LARGE1: variants seen among roughly 807,000 people sequenced by gnomAD.
LARGE1 encodes LARGE xylosyl- and glucuronyltransferase 1.
A neutral mutation model predicts 87.6 loss-of-function variants in LARGE1; 43 were observed. The observed-to-expected ratio is 0.49, with a 90% CI of 0.38 to 0.63. The LOEUF (loss-of-function observed/expected upper bound fraction) is 0.63, where lower values mean the gene tolerates loss of function less well. Among genes scored for constraint, LARGE1 ranks in the 30% least tolerant of loss-of-function variants. The pLI is 0.00. For synonymous variants in LARGE1, 434 were observed against 394.6 expected, an observed-to-expected ratio of 1.10 and a Z score of -1.18; for missense variants, 802 against 1,000.2, an observed-to-expected ratio of 0.80 and a Z score of 2.67.
intron 1 of LARGE1, among the ~76,000 whole-genome samples, chr22:33,838,364 T>TTTTTTAAAAAATTGGACAG (rs1568974615): frequency 6.6e-6 from 1 of 152,162 alleles, no homozygotes; most frequent in Non-Finnish European, 1.5e-5. Context: ...ATTGGACAGG[T>TTTTTTAAAAAATTGGACAG]GTAGTGGCTC....
At chr22:33,586,453 TTTC>T in intron 5 of LARGE1, among the ~76,000 whole-genome samples, 1 of 130,650 alleles carries the variant, frequency 7.7e-6, no homozygotes, top group African/African-American at 3.0e-5. Flanking sequence ...AACAACAAGA[TTTC>T]TTTTTTTTTT....
chr22:33,679,616 T>C (rs948522464), intron 2 of LARGE1, among the ~76,000 whole-genome samples: 1 of 151,958 alleles, frequency 6.6e-6, no homozygotes, highest in Non-Finnish European at 1.5e-5. Context: ...TCGAGGCAGG[T>C]GGATTGCATG....
chr22:33,756,722 C>T (rs996670131), intron 2 of LARGE1, among the ~76,000 whole-genome samples: 3 of 152,106 alleles, frequency 2.0e-5, no homozygotes, highest in Admixed American at 2.0e-4. Context: ...AGGAGCAGAG[C>T]GGTGCTCTGA....
At chr22:33,249,854 G>A (rs1926935547) in intron 11 of LARGE1, among the ~76,000 whole-genome samples, 1 of 152,192 alleles carries the variant, frequency 6.6e-6, no homozygotes, top group Non-Finnish European at 1.5e-5. Context: ...CTATATTTAT[G>A]TGGGTTTATT....
chr22:33,712,091 T>G (rs1288962501), intron 2 of LARGE1, among the ~76,000 whole-genome samples: 1 of 152,178 alleles, frequency 6.6e-6, no homozygotes, highest in East Asian at 1.9e-4. Flanking sequence ...TGGAGTAACT[T>G]GTCCCAACCA....
chr22:33,400,004 G>A (rs1013291529), intron 7 of LARGE1, among the ~76,000 whole-genome samples: 7 of 152,208 alleles, frequency 4.6e-5, no homozygotes, highest in African/African-American at 9.7e-5. Context: ...TAAATGATAA[G>A]AAAAACCCAA....
At chr22:33,268,520 C>G (rs530252179), downstream of LARGE1, among the ~76,000 whole-genome samples, 11 of 150,844 alleles carry the variant, frequency 7.3e-5, no homozygotes, top group South Asian at 8.4e-4. Context: ...CTCCGTCCCC[C>G]GGGTTCTCAC....
chr22:33,797,049 C>G (rs1345804031), intron 1 of LARGE1, among the ~76,000 whole-genome samples: 1 of 152,092 alleles, frequency 6.6e-6, no homozygotes, highest in Non-Finnish European at 1.5e-5. Flanking sequence ...CAGGCGTGAG[C>G]CACCATGCCT....
chr22:33,889,392 G>C (rs575773310), intron 1 of LARGE1, among the ~76,000 whole-genome samples: 3 of 152,224 alleles, frequency 2.0e-5, no homozygotes, highest in Non-Finnish European at 2.9e-5. Context: ...TGAGAGAAAA[G>C]AAAGTGTATT....
chr22:33,757,283 G>GTAAGCC (rs1172401996), intron 2 of LARGE1, among the ~76,000 whole-genome samples: 1 of 152,160 alleles, frequency 6.6e-6, no homozygotes, highest in Non-Finnish European at 1.5e-5. Flanking sequence ...GCAAATCACA[G>GTAAGCC]TAAGCCTAAG....
chr22:33,707,526 C>T (rs564450433), intron 2 of LARGE1, among the ~76,000 whole-genome samples: 192 of 152,348 alleles, frequency 1.3e-3, no homozygotes, highest in Non-Finnish European at 2.1e-3. Context: ...CAAGCACACA[C>T]GCATCATGCT....
rs551280269 is a variant in LARGE1, at chr22:33,232,268, C to T, written c.1731-65436G>A. On this transcript the variant is annotated intron_variant, in intron 11 of 11. Transcript: ENST00000608642. ...TGCCAATTTGTCAAAACGCCCATGG[C>T]GTTTTAATGATTTAGAAAAGCACAG... is the stretch of plus-strand genomic sequence containing the variant. 1.2e-4 allele frequency among the ~76,000 whole-genome samples: 19 copies of T among 152,326 alleles called. No individual in the cohort carries two copies. In the East Asian group the frequency reaches 3.5e-3, roughly 28 times the overall value.
chr22:33,128,680 C>A, the LARGE1 span, among the ~76,000 whole-genome samples: 3,435 of 108,506 alleles, frequency 0.032, no homozygotes, highest in Non-Finnish European at 0.037. Context: ...GTCTCAAAAA[C>A]AAAAAAAAAA....
intron 7 of LARGE1, among the ~76,000 whole-genome samples, chr22:33,418,971 A>G (rs372803529): frequency 1.5e-4 from 23 of 152,260 alleles, no homozygotes; most frequent in African/African-American, 5.5e-4. Context: ...CACCTGAAGA[A>G]TCCCATTGTA....
intron 5 of LARGE1, among the ~76,000 whole-genome samples, chr22:33,574,689 TGTGTGTGTGTGTGTGTGTGTG>T (rs2078301707): frequency 4.3e-3 from 1 of 232 alleles, no homozygotes; most frequent in Non-Finnish European, 0.01. Context: ...TAAACAATTG[TGTGTGTGTGTGTGTGTGTGTG>T]TGTGTGTGTG....
intron 4 of LARGE1, among the ~76,000 whole-genome samples, chr22:33,612,306 A>G (rs1290107967): frequency 6.6e-6 from 1 of 152,082 alleles, no homozygotes; most frequent in Admixed American, 6.6e-5. Flanking sequence ...GTTTCACCAC[A>G]TTGGCCAGGC....
intron 1 of LARGE1, among the ~76,000 whole-genome samples, chr22:33,846,040 C>T (rs773238217): frequency 5.3e-5 from 8 of 152,090 alleles, no homozygotes; most frequent in Non-Finnish European, 1.0e-4. Context: ...CAGAGTTTTC[C>T]GCTGTCTGAA....
At chr22:33,876,032 C>T (rs1040976558) in intron 1 of LARGE1, among the ~76,000 whole-genome samples, 13 of 152,300 alleles carry the variant, frequency 8.5e-5, no homozygotes, top group Admixed American at 3.3e-4. Context: ...GATTTTAGAA[C>T]AAAACGTCAT....
the LARGE1 span, among the ~76,000 whole-genome samples, chr22:33,141,192 T>A: frequency 0.12 from 16,352 of 134,738 alleles, 1,072 homozygotes; most frequent in East Asian, 0.25. Flanking sequence ...TCTCTCTCTC[T>A]CTCACACACA....
Sources: gnomAD v4.1 joint callset for allele counts (sites outside exome capture counted in the v4.1 genomes callset) on GRCh38, gnomAD v4.1.1 for gene constraint, MANE v1.5 for transcripts, NCBI Gene and HGNC (gene_info 2026-07-23, HGNC 2026-07-21) for gene names.